Variants in HSF2BP observed in about 807,000 individuals in gnomAD.
HSF2BP encodes the protein heat shock factor 2-binding protein.
HSF2BP carries 35 observed loss-of-function variants against 35.0 expected under a neutral mutation model. The observed-to-expected ratio is 1.00, with a 90% confidence interval of 0.76 to 1.32. The LOEUF (loss-of-function observed/expected upper bound fraction) is 1.32, where lower values mean the gene tolerates loss of function less well. Among genes scored for constraint, HSF2BP ranks in the 40% most tolerant of loss-of-function variants. HSF2BP has a pLI of 0.00. For synonymous variants in HSF2BP, 114 were observed against 117.4 expected (o/e 0.97, Z 0.18); for missense variants, 326 against 321.7 (o/e 1.01, Z -0.10).
chr21:43,631,522 C>A (rs1440258141), intron 5 of HSF2BP, among the ~76,000 whole-genome samples: 1 of 152,282 alleles, frequency 6.6e-6, no homozygotes, highest in African/African-American at 2.4e-5. Flanking sequence ...GCCACAACTC[C>A]ACCTCCTAAT....
intron 7 of HSF2BP, among the ~76,000 whole-genome samples, chr21:43,608,087 T>G (rs906172887): frequency 8.6e-5 from 13 of 151,434 alleles, no homozygotes; most frequent in Admixed American, 8.6e-4. Flanking sequence ...AACCGAAAAT[T>G]GACAATTGGG....
the HSF2BP span, among the ~76,000 whole-genome samples, chr21:43,495,783 C>T: frequency 1.9e-5 from 2 of 107,638 alleles, 1 homozygote; most frequent in Non-Finnish European, 4.1e-5. Flanking sequence ...GAGGTCTTTC[C>T]GAAGCAGTGA....
rs2082927710 is a variant in HSF2BP at position 43,659,142 on chromosome 21, T to C, written c.-225+244A>G. On this transcript the variant is annotated intron_variant, in intron 1 of 8. Transcript: ENST00000291560. This position sits in a 1 kb window ranked among gnomAD's most constrained non-coding sequence, Gnocchi z 4.2. ...GCGAGACACCGTCTCTACAAAAAAA[T>C]AACAAATAGTGGGGCGTGATGGCGC... Among the ~76,000 whole-genome samples, 1 of 151,648 alleles carries C rather than the reference T, an allele frequency of 6.6e-6. No homozygotes were observed. Among genetic ancestry groups the C allele is most frequent in the Non-Finnish European group, 1.5e-5 (1 of 67,926 alleles).
At chr21:43,628,445 C>T (rs1355814751) in intron 6 of HSF2BP, among the ~76,000 whole-genome samples, 3 of 152,204 alleles carry the variant, frequency 2.0e-5, no homozygotes, top group Non-Finnish European at 2.9e-5. Context: ...AGAAAAGCCC[C>T]AATGCTCTTC....
At chr21:43,606,075 G>A (rs1418134973) in intron 7 of HSF2BP, among the ~76,000 whole-genome samples, 1 of 152,190 alleles carries the variant, frequency 6.6e-6, no homozygotes, top group Non-Finnish European at 1.5e-5. Flanking sequence ...CACCTACCAA[G>A]GAAGAGCAGA....
In HSF2BP at chr21:43,653,934, G is replaced by A. The variant is rs138759377; in HGVS notation, c.187+2653C>T. ...GAAGACTCCTGGGTCTCTAGTCTGG[G>A]TGTTGGTGCTCTGGGGAGACTGAGG... is the stretch of plus-strand genomic sequence containing the variant. On this transcript the variant is annotated intron_variant, in intron 3 of 8. Coordinates refer to ENST00000291560, the MANE Select transcript of HSF2BP (RefSeq NM_007031.2). 4.2e-3 allele frequency among the ~76,000 whole-genome samples: 640 copies of A among 152,228 alleles called. 2 individuals are homozygous for A. Among genetic ancestry groups the A allele is most frequent in the Middle Eastern group, 0.017 (5 of 294 alleles).
chr21:43,467,883 A>AC, the HSF2BP span, among the ~76,000 whole-genome samples: 1 of 118,802 alleles, frequency 8.4e-6, no homozygotes, highest in African/African-American at 3.2e-5. Context: ...AACACACCAC[A>AC]CACACCACAC....
chr21:43,576,498 T>C (rs2081645917), intron 8 of HSF2BP, among the ~76,000 whole-genome samples: 1 of 152,234 alleles, frequency 6.6e-6, no homozygotes, highest in South Asian at 2.1e-4. Context: ...CAACGTGCTA[T>C]ATTCACGTTT....
intron 8 of HSF2BP, among the ~76,000 whole-genome samples, chr21:43,573,580 G>T (rs1167808060): frequency 6.6e-6 from 1 of 152,222 alleles, no homozygotes; most frequent in Non-Finnish European, 1.5e-5. Flanking sequence ...GATAAATGCA[G>T]ATCAAACACT....
intron 8 of HSF2BP, among the ~76,000 whole-genome samples, chr21:43,578,651 G>A (rs2081678088): frequency 6.6e-6 from 1 of 152,166 alleles, no homozygotes; most frequent in Non-Finnish European, 1.5e-5. Flanking sequence ...CAACACACAG[G>A]TGATAACCTT....
At chr21:43,625,323 T>C (rs1327314347) in intron 6 of HSF2BP, among the ~76,000 whole-genome samples, 1 of 151,874 alleles carries the variant, frequency 6.6e-6, no homozygotes, top group Admixed American at 6.6e-5. Flanking sequence ...CTGGGGCATA[T>C]GCTGGACACC....
chr21:43,505,433 T>C, the HSF2BP span, among the ~76,000 whole-genome samples: 1 of 103,654 alleles, frequency 9.6e-6, no homozygotes, highest in East Asian at 2.2e-4. Flanking sequence ...GCCAGAGCTG[T>C]GTGGGGTTTC....
chr21:43,601,885 C>G (rs1014513860), intron 7 of HSF2BP, among the ~76,000 whole-genome samples: 5 of 152,156 alleles, frequency 3.3e-5, no homozygotes, highest in Admixed American at 2.6e-4. Context: ...CTTACAAGAT[C>G]CCTAATGATA....
chr21:43,644,013 C>T (rs113261839), intron 4 of HSF2BP, among the ~76,000 whole-genome samples: 1 of 151,218 alleles, frequency 6.6e-6, no homozygotes, highest in Non-Finnish European at 1.5e-5. Context: ...GTTATAGCAA[C>T]ACAAAATGAA....
intron 3 of HSF2BP, among the ~76,000 whole-genome samples, chr21:43,644,896 GA>G (rs1568939387): frequency 6.6e-6 from 1 of 152,172 alleles, no homozygotes; most frequent in African/African-American, 2.4e-5. Flanking sequence ...TGATAAAAAT[GA>G]GAAAATGCTA....
intron 4 of HSF2BP, among the ~76,000 whole-genome samples, chr21:43,639,043 G>A (rs142283081): frequency 1.1e-4 from 17 of 152,306 alleles, no homozygotes; most frequent in African/African-American, 3.8e-4. Flanking sequence ...TTCAATGAAG[G>A]AGAGAGAGTC....
At chr21:43,496,017 GCACACACACA>G in the HSF2BP span, among the ~76,000 whole-genome samples, 4 of 121,866 alleles carry the variant, frequency 3.3e-5, 1 homozygote, top group Non-Finnish European at 7.1e-5. Context: ...AAACACACGT[GCACACACACA>G]CACACACACA....
chr21:43,599,912 A>G (rs1000584263), intron 7 of HSF2BP, among the ~76,000 whole-genome samples: 1 of 151,960 alleles, frequency 6.6e-6, no homozygotes, highest in Admixed American at 6.5e-5. Flanking sequence ...CCTGCCACAA[A>G]CCTCAGCAGA....
At chr21:43,467,726 ACACAC>A in the HSF2BP span, among the ~76,000 whole-genome samples, 1 of 130,010 alleles carries the variant, frequency 7.7e-6, no homozygotes, top group African/African-American at 3.1e-5. Flanking sequence ...CACACACCAC[ACACAC>A]CACACCACAA....
Sources: allele counts gnomAD v4.1 joint callset (sites outside exome capture counted in the v4.1 genomes callset), GRCh38; gene constraint gnomAD v4.1.1; non-coding constraint Gnocchi (gnomAD v3.1); transcripts MANE v1.5; gene names NCBI Gene and HGNC (gene_info 2026-07-23, HGNC 2026-07-21).